The following SH3RF2 variants were observed in gnomAD, a reference collection of about 807,000 sequenced individuals.
The protein encoded by SH3RF2 is E3 ubiquitin-protein ligase SH3RF2.
SH3RF2 carries 43 observed loss-of-function variants against 59.0 expected under a neutral mutation model. The observed-to-expected ratio is 0.73, with a 90% CI of 0.57 to 0.94. The LOEUF (loss-of-function observed/expected upper bound fraction) is 0.94. Among genes scored for constraint, SH3RF2 ranks in the 40% least tolerant of loss-of-function variants. The pLI, the probability that SH3RF2 is intolerant of heterozygous loss-of-function variation, is 0.00. For missense variants in SH3RF2, 930 were observed against 940.1 expected (o/e 0.99, Z 0.14); for synonymous variants, 391 against 391.5 (o/e 1.00, Z 0.01).
chr5:145,991,715 C>G (rs574845853), intron 2 of SH3RF2, among the ~76,000 whole-genome samples: 2 of 152,124 alleles, frequency 1.3e-5, no homozygotes, highest in Non-Finnish European at 2.9e-5. Flanking sequence ...GGTTGAGGCA[C>G]CTTCAAAGCA....
chr5:145,936,876 C>T (rs1479242030), intron 1 of SH3RF2, 182 bp downstream of exon 1: 2 of 152,270 alleles, frequency 1.3e-5, no homozygotes, highest in East Asian at 3.8e-4. Flanking sequence ...AGCCCTGGCA[C>T]TTGTGAGGGA....
At chr5:146,074,787 T>TCA (rs142554042) in intron 9 of SH3RF2, among the ~76,000 whole-genome samples, 1 of 151,922 alleles carries the variant, frequency 6.6e-6, no homozygotes, top group East Asian at 1.9e-4. Flanking sequence ...TCTCTCTCTC[T>TCA]CTCTCTCTCT....
At chr5:146,039,265 G>T (rs950652403) in intron 5 of SH3RF2, among the ~76,000 whole-genome samples, 2 of 152,086 alleles carry the variant, frequency 1.3e-5, no homozygotes, top group African/African-American at 4.8e-5. Flanking sequence ...GTTTAAAAAC[G>T]TGAACCATAG....
At chr5:145,942,712 G>C (rs1412820952) in intron 2 of SH3RF2, among the ~76,000 whole-genome samples, 1 of 152,152 alleles carries the variant, frequency 6.6e-6, no homozygotes, top group Admixed American at 6.5e-5. Flanking sequence ...TAAAGGTAGG[G>C]GCTAAGGTTG....
At chr5:145,997,237 T>C in intron 2 of SH3RF2, 3 of 890,392 alleles carry the variant, frequency 3.4e-6, no homozygotes, top group East Asian at 4.8e-5. Flanking sequence ...CTGACAACCA[T>C]GCCTGCAAGT....
rs1264194130 is a variant in SH3RF2, at chr5:145,938,090, GC to G, written c.164del (p.Pro55LeufsTer40). 1 of 1,614,240 alleles carries G rather than the reference GC, an allele frequency of 6.2e-7. No homozygotes were observed. The highest frequency in any genetic ancestry group is 8.5e-7 in the Non-Finnish European group (1 of 1,180,042). ...KELRCPECRT[P>X]VFSNIEALPA... ...AGCTGCGGTGCCCCGAATGCAGGAC[GC>G]CTGTGTTTTCCAACATTGAGGCGCT... On this transcript the variant is annotated frameshift_variant, in exon 2 of 10. Coordinates refer to ENST00000359120, the MANE Select transcript of SH3RF2 (RefSeq NM_152550.4). LOFTEE classifies it high-confidence loss of function.
intron 2 of SH3RF2, among the ~76,000 whole-genome samples, chr5:145,944,338 T>C (rs973315104): frequency 2.5e-5 from 3 of 119,250 alleles, no homozygotes; most frequent in South Asian, 2.3e-4. Context: ...TTCTTTTCCC[T>C]TTTTTTTTTT....
intron 2 of SH3RF2, among the ~76,000 whole-genome samples, chr5:145,971,521 A>G (rs1759078848): frequency 6.6e-6 from 1 of 152,212 alleles, no homozygotes; most frequent in Non-Finnish European, 1.5e-5. Flanking sequence ...TTATTTTTCT[A>G]ATGCCTTCAA....
At chr5:146,061,378 A>T (rs1468930374) in intron 9 of SH3RF2, among the ~76,000 whole-genome samples, 1 of 152,096 alleles carries the variant, frequency 6.6e-6, no homozygotes, top group East Asian at 1.9e-4. Flanking sequence ...GACATATATA[A>T]AGGTTGGGAG....
intron 2 of SH3RF2, among the ~76,000 whole-genome samples, chr5:145,993,676 A>G (rs1760037908): frequency 6.6e-6 from 1 of 152,210 alleles, no homozygotes; most frequent in Non-Finnish European, 1.5e-5. Flanking sequence ...GCTGAGACAC[A>G]GGGCACCAAG....
intron 5 of SH3RF2, among the ~76,000 whole-genome samples, chr5:146,037,109 T>C (rs1761963297): frequency 1.3e-5 from 2 of 152,316 alleles, no homozygotes; most frequent in Non-Finnish European, 2.9e-5. Flanking sequence ...TATGTCATAA[T>C]AGTGACAATG....
intron 8 of SH3RF2, among the ~76,000 whole-genome samples, chr5:146,057,945 TC>T (rs1762729499): frequency 8.0e-6 from 1 of 125,650 alleles, no homozygotes; most frequent in South Asian, 2.3e-4. Flanking sequence ...TCTCTCTCTC[TC>T]TCTCTCTCTC....
At chr5:146,071,707 G>T (rs1763244679) in intron 9 of SH3RF2, among the ~76,000 whole-genome samples, 1 of 152,172 alleles carries the variant, frequency 6.6e-6, no homozygotes. Context: ...CTGGATCTTT[G>T]TCACAGCTTT....
At chr5:145,969,692 A>T (rs1758998619) in intron 2 of SH3RF2, among the ~76,000 whole-genome samples, 1 of 151,998 alleles carries the variant, frequency 6.6e-6, no homozygotes, top group Admixed American at 6.6e-5. Flanking sequence ...CTGTAATTGT[A>T]CCACTGCACT....
At chr5:146,081,262 C>T (rs1763421346) in exon 10 of SH3RF2, 1 of 151,842 alleles carries the variant, frequency 6.6e-6, no homozygotes. Flanking sequence ...AATGTTTCTC[C>T]TGGGAGCACG....
chr5:146,005,714 T>A (rs147831853), intron 4 of SH3RF2, among the ~76,000 whole-genome samples: 81 of 152,342 alleles, frequency 5.3e-4, no homozygotes, highest in South Asian at 1.4e-3. Flanking sequence ...ACTTATTTTA[T>A]AAGGCTCAGA....
chr5:146,067,134 G>C (rs1462141963), downstream of SH3RF2, among the ~76,000 whole-genome samples: 1 of 152,102 alleles, frequency 6.6e-6, no homozygotes, highest in East Asian at 1.9e-4. Context: ...CCCACAGACA[G>C]GGCTTTCAGA....
At position 146,056,007 on chromosome 5, in the gene SH3RF2, G is replaced by A. The variant is rs78437323; in HGVS notation, c.1349G>A (p.Arg450Gln). ...AAGACCTCTAGTTTTCCAGACTCCC[G>A]GAGCCCTGGTCTCTACACCACATGG... Reference protein sequence around the residue: ...FRKTSSFPDSRSPGLYTTWTL... With the variant: ...FRKTSSFPDSQSPGLYTTWTL... The change falls in exon 8 of 10, where the codon CGG (arginine) becomes CAG (glutamine). Residue 450 changes from arginine to glutamine, a missense_variant. Physicochemically the swap from Arg to Gln is conservative, Grantham distance 43 (BLOSUM62 1). Coordinates refer to ENST00000359120, the MANE Select transcript of SH3RF2 (RefSeq NM_152550.4). The A allele has an allele frequency of 4.6e-4, 744 of 1,613,882 alleles. 12 individuals are homozygous for A. In the East Asian group the frequency reaches 0.015, roughly 34 times the overall value.
intron 3 of SH3RF2, among the ~76,000 whole-genome samples, chr5:146,003,322 C>T (rs1416791650): frequency 6.6e-6 from 1 of 152,180 alleles, no homozygotes; most frequent in Non-Finnish European, 1.5e-5. Context: ...TGGGAGGATT[C>T]TATACCTTCA....
Sources: gnomAD v4.1 joint callset for allele counts (sites outside exome capture counted in the v4.1 genomes callset) on GRCh38, gnomAD v4.1.1 for gene constraint, MANE v1.5 for transcripts, NCBI Gene and HGNC (gene_info 2026-07-23, HGNC 2026-07-21) for gene names.